The following ATP1A1 variants were observed in gnomAD, a reference collection of about 807,000 sequenced individuals.
ATP1A1 encodes the protein ATPase Na+/K+ transporting subunit alpha 1, also known as sodium/potassium-transporting ATPase subunit alpha-1.
Under a neutral mutation model 114.8 loss-of-function variants are expected in ATP1A1, and 14 were observed. The observed-to-expected ratio is 0.12, with a 90% CI of 0.08 to 0.19. The LOEUF (loss-of-function observed/expected upper bound fraction) is 0.19. Ranked by LOEUF, ATP1A1 falls within the 10% of genes least tolerant of loss-of-function variation. ATP1A1 has a pLI of 1.00. For missense variants in ATP1A1, 524 were observed against 1,290.7 expected, an observed-to-expected ratio of 0.41 and a Z score of 9.10; for synonymous variants, 471 against 466.3, an observed-to-expected ratio of 1.01 and a Z score of -0.13.
At position 116,404,617 on chromosome 1, in the gene ATP1A1, G is replaced by T. The variant is rs1040812018; in HGVS notation, c.*173G>T. The T allele has an allele frequency of 9.0e-6, 10 of 1,109,866 alleles. No individual in the cohort carries two copies. Among genetic ancestry groups the T allele is most frequent in the Non-Finnish European group, 8.3e-6 (7 of 846,168 alleles). The allele number at this position is 1,109,866 out of a possible 1,614,324, so 68.8% of individuals were successfully genotyped here. ...GAAGCATGTAGCTCTATGGGGGGAG[G>T]GGGGAGGGCTGCCTGAAAACCATCC... On this transcript the variant is annotated 3_prime_UTR_variant, in exon 23 of 23. Coordinates refer to ENST00000295598, the MANE Select transcript of ATP1A1 (RefSeq NM_000701.8). This position sits in a 1 kb window ranked among gnomAD's most constrained non-coding sequence, Gnocchi z 4.8.
chr1:116,379,192 T>A (rs78585881), intron 1 of ATP1A1, among the ~76,000 whole-genome samples: 3,824 of 152,340 alleles, frequency 0.025, 56 homozygotes, highest in Non-Finnish European at 0.04. Flanking sequence ...ACCTGCTGGC[T>A]AGAACTGTCG....
chr1:116,404,500 A>C lies in ATP1A1; in HGVS notation c.*56A>C. 2 of 1,566,990 alleles carry C rather than the reference A, an allele frequency of 1.3e-6. No individual in the cohort carries two copies. The highest frequency in any genetic ancestry group is 1.2e-5 in the South Asian group (1 of 84,354). On this transcript the variant is annotated 3_prime_UTR_variant, in exon 23 of 23. Coordinates refer to ENST00000295598, the MANE Select transcript of ATP1A1 (RefSeq NM_000701.8). This position sits in a 1 kb window ranked among gnomAD's most constrained non-coding sequence, Gnocchi z 4.8. ...GCCACACACTCTGCATCCGACACCC[A>C]CCCCCTCTTTGTGTACTTCAGTCTT...
In ATP1A1 at chr1:116,381,348, A is replaced by G. The variant is rs1651730082; in HGVS notation, c.13-2666A>G. Among the ~76,000 whole-genome samples, 1 of 152,216 alleles carries G rather than the reference A, an allele frequency of 6.6e-6. No homozygotes were observed. The highest frequency in any genetic ancestry group is 2.4e-5 in the African/African-American group (1 of 41,456). ...ATTTTGCAGCTTTGAGACTGAGGTAATTGAGACTGATAGGGATTTAAGGAT... is the reference window on the plus strand; with the variant it reads ...ATTTTGCAGCTTTGAGACTGAGGTAGTTGAGACTGATAGGGATTTAAGGAT... On this transcript the variant is annotated intron_variant, in intron 1 of 22. Coordinates refer to ENST00000295598, the MANE Select transcript of ATP1A1 (RefSeq NM_000701.8). The surrounding 1 kb of genome is among the most constrained non-coding windows in gnomAD (Gnocchi z 5.1).
chr1:116,404,074 G>A lies in ATP1A1; in HGVS notation c.3043+99G>A. On this transcript the variant is annotated intron_variant, in intron 22 of 22. Coordinates refer to ENST00000295598, the MANE Select transcript of ATP1A1 (RefSeq NM_000701.8). The surrounding 1 kb of genome is among the most constrained non-coding windows in gnomAD (Gnocchi z 4.8). Reference sequence around the variant, plus strand: ...CTCAAGGTGTCTAGGCTCCCTCAGTGGTCAGTCTGATTAGCTAAGGTGACT... The same window carrying A: ...CTCAAGGTGTCTAGGCTCCCTCAGTAGTCAGTCTGATTAGCTAAGGTGACT... 3.4e-6 allele frequency: 4 copies of A among 1,190,030 alleles called. No homozygotes were observed. The South Asian group carries it at 4.2e-5, about 13-fold the overall frequency. 73.7% of individuals were successfully genotyped at this position (1,190,030 alleles called of 1,614,324 possible). A position where few individuals can be genotyped will look rare whatever the true frequency, so the allele number is the denominator to read the frequency against.
In ATP1A1 at chr1:116,395,408, A is replaced by G. The variant is rs1277652717; in HGVS notation, c.1836+123A>G. On this transcript the variant is annotated intron_variant, in intron 13 of 22. Transcript: ENST00000295598. The surrounding 1 kb of genome is among the most constrained non-coding windows in gnomAD (Gnocchi z 6.4). ...ATCTCACCTGGAGTATTAATTTCTC[A>G]TCTCCAAAGCTTTACTTCCACCCAG... The G allele has an allele frequency of 3.7e-5, 40 of 1,072,662 alleles. No individual in the cohort carries two copies. Among genetic ancestry groups the G allele is most frequent in the Non-Finnish European group, 4.9e-5 (38 of 779,558 alleles). The allele number at this position is 1,072,662 out of a possible 1,614,324, so 66.4% of individuals were successfully genotyped here.
In ATP1A1 at chr1:116,398,696, A is replaced by T; in HGVS notation, c.2200A>T (p.Met734Leu). ...GAAGAAAGCAGACATTGGGGTTGCT[A>T]TGGGGATTGCTGGCTCAGATGTGTC... Reference protein sequence around the residue: ...ALKKADIGVAMGIAGSDVSKQ... With the variant: ...ALKKADIGVALGIAGSDVSKQ... Residue 734 changes from methionine (M) to leucine (L), a missense_variant, in exon 16 of 23, where the codon ATG becomes TTG. Physicochemically the swap from Met to Leu is conservative, Grantham distance 15. Coordinates refer to ENST00000295598, the MANE Select transcript of ATP1A1 (RefSeq NM_000701.8). The surrounding 1 kb of genome is among the most constrained non-coding windows in gnomAD (Gnocchi z 6.1). The T allele has an allele frequency of 6.2e-7, 1 of 1,614,180 alleles. No homozygotes were observed. Among genetic ancestry groups the T allele is most frequent in the East Asian group, 2.2e-5 (1 of 44,882 alleles).
At chr1:116,377,332 G>A (rs1231813727) in intron 1 of ATP1A1, among the ~76,000 whole-genome samples, 3 of 152,230 alleles carry the variant, frequency 2.0e-5, no homozygotes, top group Admixed American at 1.3e-4. Flanking sequence ...TTAGAGCCAA[G>A]AGAAGATCAA....
Position 116,401,032 on chromosome 1 carries a change from A to T in ATP1A1, c.2718+26A>T. The T allele has an allele frequency of 6.2e-7, 1 of 1,613,872 alleles. No homozygotes were observed. Among genetic ancestry groups the T allele is most frequent in the Non-Finnish European group, 8.5e-7 (1 of 1,179,740 alleles). On this transcript the variant is annotated intron_variant, in intron 19 of 22. Transcript: ENST00000295598. This position sits in a 1 kb window ranked among gnomAD's most constrained non-coding sequence, Gnocchi z 4.7. ...GTGAGTGGGCACCTCTGACCTGACC[A>T]GTGTCAGAGCTCCTCAAGCCCCAGA...
At chr1:116,375,108 T>C (rs561622369) in intron 1 of ATP1A1, among the ~76,000 whole-genome samples, 2 of 152,340 alleles carry the variant, frequency 1.3e-5, no homozygotes, top group East Asian at 3.8e-4. Flanking sequence ...TAAAGCTCAT[T>C]CTTTGTCTCT....
chr1:116,374,064 C>CG (rs1557776357), intron 1 of ATP1A1: 2 of 1,405,558 alleles, frequency 1.4e-6, no homozygotes, highest in Non-Finnish European at 1.9e-6. Flanking sequence ...CCGGTTCCGG[C>CG]GGGGGCAGCC....
In ATP1A1 at chr1:116,395,664, C is replaced by G. The variant is rs575367665; in HGVS notation, c.1836+379C>G. On this transcript the variant is annotated intron_variant, in intron 13 of 22. Transcript: ENST00000295598. The surrounding 1 kb of genome is among the most constrained non-coding windows in gnomAD (Gnocchi z 6.4). ...TGAGTGTTTGGTGTCCTCTGTGTAT[C>G]TGTCTTTTTTTAAGTAGCTGAATAT... 2.0e-5 allele frequency among the ~76,000 whole-genome samples: 3 copies of G among 152,278 alleles called. No individual in the cohort carries two copies. The South Asian group carries it at 6.2e-4, about 32-fold the overall frequency.
At position 116,389,913 on chromosome 1, in the gene ATP1A1, A is replaced by G. The variant is rs1198650477; in HGVS notation, c.1023+206A>G. 11 of 848,128 alleles carry G rather than the reference A, an allele frequency of 1.3e-5. No individual in the cohort carries two copies. Among genetic ancestry groups the G allele is most frequent in the Admixed American group, 8.7e-5 (3 of 34,472 alleles). 52.5% of individuals were successfully genotyped at this position (848,128 alleles called of 1,614,324 possible). A position where few individuals can be genotyped will look rare whatever the true frequency, so the allele number is the denominator to read the frequency against. On this transcript the variant is annotated intron_variant, in intron 8 of 22. Coordinates refer to ENST00000295598, the MANE Select transcript of ATP1A1 (RefSeq NM_000701.8). The surrounding 1 kb of genome is among the most constrained non-coding windows in gnomAD (Gnocchi z 6.9). ...TACGTAAGATAACCCCAAAGCATAC[A>G]TTTTGCTTTTAAATTATCACGTGGT...
rs1441600434 is a variant in ATP1A1 at position 116,389,668 on chromosome 1, C to T, written c.984C>T (p.Ile328=). 3.1e-6 allele frequency: 5 copies of T among 1,614,176 alleles called. No individual in the cohort carries two copies. Among genetic ancestry groups the T allele is most frequent in the Non-Finnish European group, 4.2e-6 (5 of 1,180,044 alleles). The change falls in exon 8 of 23, where the codon ATC becomes ATT. Residue 328 remains isoleucine, a synonymous_variant. Coordinates refer to ENST00000295598, the MANE Select transcript of ATP1A1 (RefSeq NM_000701.8). The surrounding 1 kb of genome is among the most constrained non-coding windows in gnomAD (Gnocchi z 6.9). ...CTGTCATCTTCCTCATCGGTATCAT[C>T]GTAGCCAATGTGCCGGAAGGTTTGC... ...LEAVIFLIGI[I]VANVPEGLLA... is the part of the protein sequence containing the mutation.
chr1:116,404,296 AT>A lies in ATP1A1; in HGVS notation c.3044-116del. The A allele has an allele frequency of 7.8e-7, 1 of 1,273,946 alleles. No homozygotes were observed. Among genetic ancestry groups the A allele is most frequent in the Non-Finnish European group, 1.1e-6 (1 of 889,898 alleles). 78.9% of individuals were successfully genotyped at this position (1,273,946 alleles called of 1,614,324 possible). ...AGTACAGTTGAGGTCCCATGTTTGGATTTTAACACACCCGACCCCCATCATC... is the reference window on the plus strand; with the variant it reads ...AGTACAGTTGAGGTCCCATGTTTGGATTTAACACACCCGACCCCCATCATC... On this transcript the variant is annotated intron_variant, in intron 22 of 22. Transcript: ENST00000295598. This position sits in a 1 kb window ranked among gnomAD's most constrained non-coding sequence, Gnocchi z 4.8.
rs28622933 is a variant in ATP1A1, at chr1:116,390,418, C to G, written c.1222+7C>G. On this transcript the variant is annotated splice_region_variant and intron_variant, in intron 9 of 22. Coordinates refer to ENST00000295598, the MANE Select transcript of ATP1A1 (RefSeq NM_000701.8). ...ACGACAGAGAATCAGAGTGGTAAGG[C>G]CAGGGTTACCACACACCTCAGCCAC... 6.5e-4 allele frequency: 1,055 copies of G among 1,613,416 alleles called. 9 individuals are homozygous for G. In the East Asian group the frequency reaches 0.021, roughly 33 times the overall value.
At chr1:116,390,024 AATAG>A in intron 8 of ATP1A1, 185 bp from the exon 9 acceptor site, 1 of 687,216 alleles carries the variant, frequency 1.5e-6, no homozygotes, top group East Asian at 2.7e-5. Context: ...TATTTTTCTT[AATAG>A]ATTGCTTTTC....
In ATP1A1 at chr1:116,390,395, G is replaced by A. The variant is rs760128305; in HGVS notation, c.1206G>A (p.Thr402=). ...ACAATCAAATCCATGAAGCTGATAC[G>A]ACAGAGAATCAGAGTGGTAAGGCCA... is the stretch of plus-strand genomic sequence containing the variant. The part of the protein sequence containing the change: ...WFDNQIHEAD[T]TENQSGVSFD... Residue 402 remains threonine, a synonymous_variant, in exon 9 of 23, where the codon ACG becomes ACA. Transcript: ENST00000295598. The A allele has an allele frequency of 5.5e-5, 88 of 1,614,050 alleles. No homozygotes were observed. The highest frequency in any genetic ancestry group is 6.6e-5 in the South Asian group (6 of 91,070).
Position 116,385,102 on chromosome 1 carries a change from T to A in ATP1A1, c.183+260T>A. ...AGCCAGTAAGTGGGAACACCAGGACTTGCAGTTGGCTTCAAAGCCATGCTT... is the reference window on the plus strand; with the variant it reads ...AGCCAGTAAGTGGGAACACCAGGACATGCAGTTGGCTTCAAAGCCATGCTT... On this transcript the variant is annotated intron_variant, in intron 3 of 22. Coordinates refer to ENST00000295598, the MANE Select transcript of ATP1A1 (RefSeq NM_000701.8). This position sits in a 1 kb window ranked among gnomAD's most constrained non-coding sequence, Gnocchi z 4.3. The A allele has an allele frequency of 2.4e-6, 1 of 420,894 alleles. No individual in the cohort carries two copies. The allele number at this position is 420,894 out of a possible 1,614,324, so 26.1% of individuals were successfully genotyped here.
chr1:116,374,736 A>G (rs1030147440), intron 1 of ATP1A1, among the ~76,000 whole-genome samples: 4 of 152,210 alleles, frequency 2.6e-5, no homozygotes, highest in Non-Finnish European at 4.4e-5. Context: ...ATGGGAGAGA[A>G]TCCACTTCGT....
Sources: gnomAD v4.1 joint callset for allele counts (sites outside exome capture counted in the v4.1 genomes callset) on GRCh38, gnomAD v4.1.1 for gene constraint, Gnocchi (gnomAD v3.1) non-coding constraint, MANE v1.5 for transcripts, NCBI Gene and HGNC (gene_info 2026-07-23, HGNC 2026-07-21) for gene names.